TDRKH: variants seen among roughly 807,000 people sequenced by gnomAD.
TDRKH encodes tudor and KH domain containing.
Under a neutral mutation model 61.3 loss-of-function variants are expected in TDRKH, and 28 were observed. The ratio of observed to expected loss-of-function variants is 0.46; its 90% CI spans 0.34 to 0.63. TDRKH has a LOEUF of 0.63. Ranked by LOEUF, TDRKH falls within the 20% of genes least tolerant of loss-of-function variation. The pLI, the probability that TDRKH is intolerant of heterozygous loss-of-function variation, is 0.01. For synonymous variants in TDRKH, 219 were observed against 244.4 expected (o/e 0.90, Z 0.97); for missense variants, 540 against 683.4 (o/e 0.79, Z 2.34).
rs1649595725 is a variant in TDRKH at position 151,780,008 on chromosome 1, T to C, written c.364A>G (p.Asn122Asp). 1.2e-6 allele frequency: 2 copies of C among 1,614,072 alleles called. No homozygotes were observed. The highest frequency in any genetic ancestry group is 1.7e-5 in the Admixed American group (1 of 60,010). Reference sequence around the variant, plus strand: ...GAAAGCTGCTCAGACACTGGGGTATTCTCTGTCAGGATCTGATGGATTGCT... The same window carrying C: ...GAAAGCTGCTCAGACACTGGGGTATCCTCTGTCAGGATCTGATGGATTGCT... ...KAAIHQILTE[N>D]TPVSEQLSVP... The change falls in exon 4 of 13, where the codon AAT (asparagine) becomes GAT (aspartate). Residue 122 changes from asparagine (N) to aspartate (D), a missense_variant. This residue lies in a region of TDRKH where 156 missense variants were observed against 218.0 expected (regional missense o/e 0.72). Transcript: ENST00000368824.
rs1387485403 is a variant in TDRKH, at chr1:151,778,838, T to G, written c.730A>C (p.Met244Leu). Residue 244 changes from methionine (M) to leucine (L), a missense_variant, in exon 6 of 13, where the codon ATG (methionine) becomes CTG (leucine). Around this residue, in one of 3 missense-constraint regions of TDRKH, gnomAD observed 379 missense variants for 443.8 expected, o/e 0.85. Coordinates refer to ENST00000368824, the MANE Select transcript of TDRKH (RefSeq NM_001083965.2). Reference protein sequence around the residue: ...PALWKNTSSSMEPTAPLVTPP... With the variant: ...PALWKNTSSSLEPTAPLVTPP... ...GTCACCAGGGGTGCAGTCGGCTCCA[T>G]GCTAGAACTGGTGTTTTTCCATAAT... 6.2e-7 allele frequency: 1 copy of G among 1,614,086 alleles called. No individual in the cohort carries two copies. Among genetic ancestry groups the G allele is most frequent in the Non-Finnish European group, 8.5e-7 (1 of 1,180,050 alleles).
intron 9 of TDRKH, 23 bp from the exon 10 acceptor site, chr1:151,775,566 A>C (rs1649082027): frequency 6.2e-7 from 1 of 1,608,384 alleles, no homozygotes; most frequent in Non-Finnish European, 8.5e-7. Flanking sequence ...TGTAGGGGTT[A>C]CTGCTGATAG....
rs770613248 is a variant in TDRKH, at chr1:151,775,479, C to A, written c.1347G>T (p.Lys449Asn). Residue 449 changes from lysine to asparagine, a missense_variant, in exon 10 of 13, where the codon AAG becomes AAT. Around this residue, in one of 3 missense-constraint regions of TDRKH, gnomAD observed 379 missense variants for 443.8 expected, o/e 0.85. Transcript: ENST00000368824. ...FDRLTHCADW[K>N]PLVAKISSYV... Reference sequence around the variant, plus strand: ...AGCTAGAGATCTTGGCTACCAGAGGCTTCCAGTCAGCACAATGAGTGAGTC... The same window carrying A: ...AGCTAGAGATCTTGGCTACCAGAGGATTCCAGTCAGCACAATGAGTGAGTC... 1 of 1,614,162 alleles carries A rather than the reference C, an allele frequency of 6.2e-7. No homozygotes were observed.
At chr1:151,771,024 A>G, downstream of TDRKH, 2 of 1,516,992 alleles carry the variant, frequency 1.3e-6, no homozygotes, top group Non-Finnish European at 1.8e-6. Context: ...CTGGGGGCAT[A>G]CATGTATTGA....
intron 1 of TDRKH, chr1:151,783,536 G>T (rs1650037008): frequency 6.6e-6 from 1 of 152,340 alleles, no homozygotes. Context: ...TTAACGAACA[G>T]TGAAATGGGG....
intron 4 of TDRKH, 70 bp downstream of exon 4, chr1:151,779,881 C>A: frequency 1.3e-6 from 2 of 1,488,372 alleles, no homozygotes; most frequent in Non-Finnish European, 9.1e-7. Flanking sequence ...AGAAAAAACC[C>A]TGGGAAGGTG....
chr1:151,767,816 C>A, downstream of TDRKH: 1 of 533,856 alleles, frequency 1.9e-6, no homozygotes. Flanking sequence ...TTATTGTACT[C>A]CTGGGTTGAA....
At chr1:151,790,195 G>C (rs575782033) in intron 1 of TDRKH, among the ~76,000 whole-genome samples, 185 bp downstream of exon 1, 7 of 152,256 alleles carry the variant, frequency 4.6e-5, no homozygotes, top group Admixed American at 1.3e-4. Flanking sequence ...ATACAGTTAC[G>C]AGTTCCCAGT....
At chr1:151,779,878 A>G (rs1180247023) in intron 4 of TDRKH, 73 bp downstream of exon 4, 2 of 1,469,506 alleles carry the variant, frequency 1.4e-6, no homozygotes, top group East Asian at 4.6e-5. Context: ...GCCAGAAAAA[A>G]CCCTGGGAAG....
At position 151,775,132 on chromosome 1, in the gene TDRKH, C is replaced by G; in HGVS notation, c.1469G>C (p.Gly490Ala). 6.2e-7 allele frequency: 1 copy of G among 1,614,072 alleles called. No individual in the cohort carries two copies. The highest frequency in any genetic ancestry group is 8.5e-7 in the Non-Finnish European group (1 of 1,180,028). ...LDIGLELVHK[G>A]YAIELPEDIE... Reference sequence around the variant, plus strand: ...GTCTTCAGGAAGCTCAATTGCGTATCCTTTGTGTACTAATTCTAGCCCAAT... The same window carrying G: ...GTCTTCAGGAAGCTCAATTGCGTATGCTTTGTGTACTAATTCTAGCCCAAT... The change falls in exon 11 of 13, where the codon GGA becomes GCA. Residue 490 changes from glycine (G) to alanine (A), a missense_variant. Physicochemically the swap from Gly to Ala is moderately conservative, Grantham distance 60. Around this residue, in one of 3 missense-constraint regions of TDRKH, gnomAD observed 379 missense variants for 443.8 expected, o/e 0.85. Transcript: ENST00000368824.
At chr1:151,775,226 A>T (rs1176688463) in intron 10 of TDRKH, 60 bp from the exon 11 acceptor site, 11 of 1,592,238 alleles carry the variant, frequency 6.9e-6, no homozygotes, top group Non-Finnish European at 9.5e-6. Context: ...AAATTTGAGG[A>T]AACAAGGCAG....
chr1:151,789,537 GGTTA>G (rs1372166829), intron 1 of TDRKH, among the ~76,000 whole-genome samples: 1 of 152,202 alleles, frequency 6.6e-6, no homozygotes, highest in African/African-American at 2.4e-5. Context: ...TGAGGAATGT[GGTTA>G]GATAATGGTT....
At chr1:151,771,613 T>C, downstream of TDRKH, 2 of 341,764 alleles carry the variant, frequency 5.9e-6, no homozygotes, top group Non-Finnish European at 1.0e-5. Context: ...GCTATAGATG[T>C]GGAGAAAACC....
downstream of TDRKH, chr1:151,767,484 C>T (rs1056067452): frequency 1.2e-5 from 15 of 1,240,892 alleles, no homozygotes; most frequent in Non-Finnish European, 1.6e-5. Context: ...CAAGGTCATA[C>T]AGATGGTAGT....
chr1:151,782,177 A>G (rs910493798), intron 2 of TDRKH, among the ~76,000 whole-genome samples: 3 of 152,242 alleles, frequency 2.0e-5, no homozygotes, highest in Non-Finnish European at 1.5e-5. Context: ...CATAGCAAAG[A>G]CTAGGCCAGG....
rs1648897018 is a variant in TDRKH at position 151,773,841 on chromosome 1, CT to C, written c.*610del. On this transcript the variant is annotated 3_prime_UTR_variant, in exon 13 of 13. Transcript: ENST00000368824. ...AGTCTTTGAGTTCACCACTCAAAAG[CT>C]TTCCTTAACCAGAGTCACCTGATAA... 1.3e-5 allele frequency: 2 copies of C among 152,140 alleles called. No individual in the cohort carries two copies. Among genetic ancestry groups the C allele is most frequent in the African/African-American group, 4.8e-5 (2 of 41,426 alleles). 9.4% of individuals were successfully genotyped at this position (152,140 alleles called of 1,614,324 possible). A position where few individuals can be genotyped will look rare whatever the true frequency, so the allele number is the denominator to read the frequency against.
chr1:151,786,903 T>G (rs1246587433), intron 1 of TDRKH, among the ~76,000 whole-genome samples: 4 of 152,210 alleles, frequency 2.6e-5, no homozygotes, highest in African/African-American at 9.7e-5. Context: ...CTTTTTAGAA[T>G]GTAGGACAGA....
chr1:151,770,263 G>GA (rs1558133303), downstream of TDRKH: 2 of 1,612,356 alleles, frequency 1.2e-6, no homozygotes, highest in East Asian at 4.5e-5. Flanking sequence ...CAGAGGTGGG[G>GA]ATCTGCTGTT....
chr1:151,768,193 G>A (rs537793315), downstream of TDRKH: 12 of 1,613,788 alleles, frequency 7.4e-6, no homozygotes, highest in Admixed American at 2.0e-4. Context: ...ACTCTTCCTG[G>A]ATATCCCATA....
Sources: allele counts gnomAD v4.1 joint callset (sites outside exome capture counted in the v4.1 genomes callset), GRCh38; gene constraint gnomAD v4.1.1; regional missense constraint gnomAD v4.1.1; transcripts MANE v1.5; gene names NCBI Gene and HGNC (gene_info 2026-07-23, HGNC 2026-07-21).